ARHGAP24: variants seen among roughly 807,000 people sequenced by gnomAD.
ARHGAP24 encodes rho GTPase-activating protein 24.
Under a neutral mutation model 76.4 loss-of-function variants are expected in ARHGAP24, and 50 were observed. The observed-to-expected ratio is 0.65, with a 90% CI of 0.52 to 0.83. The LOEUF (loss-of-function observed/expected upper bound fraction) is 0.83. Among genes scored for constraint, ARHGAP24 ranks in the 40% least tolerant of loss-of-function variants. The pLI is 0.00. For synonymous variants in ARHGAP24, 345 were observed against 323.3 expected (o/e 1.07, Z -0.72); for missense variants, 930 against 914.2 (o/e 1.02, Z -0.22).
intron 3 of ARHGAP24, among the ~76,000 whole-genome samples, chr4:85,724,794 AAT>A (rs1311839012): frequency 6.6e-6 from 1 of 152,138 alleles, no homozygotes; most frequent in Non-Finnish European, 1.5e-5. Flanking sequence ...TATCTCTCTG[AAT>A]AATGCCATGA....
intron 3 of ARHGAP24, among the ~76,000 whole-genome samples, chr4:85,757,024 G>A (rs948001201): frequency 1.3e-5 from 2 of 152,116 alleles, no homozygotes; most frequent in African/African-American, 4.8e-5. Context: ...GTAGCACAGT[G>A]TCTGGTTTCT....
At chr4:85,920,254 T>A (rs1735649514) in intron 3 of ARHGAP24, among the ~76,000 whole-genome samples, 2 of 152,216 alleles carry the variant, frequency 1.3e-5, no homozygotes, top group South Asian at 4.1e-4. Flanking sequence ...ACAGTGCTAG[T>A]ATTTTTATTG....
chr4:85,922,822 G>A (rs1358356452), intron 3 of ARHGAP24, among the ~76,000 whole-genome samples: 1 of 152,156 alleles, frequency 6.6e-6, no homozygotes, highest in African/African-American at 2.4e-5. Flanking sequence ...CGCTATAAAA[G>A]ACTTCTAAGA....
At chr4:85,985,357 TA>T (rs1334841988) in intron 8 of ARHGAP24, among the ~76,000 whole-genome samples, 3 of 152,070 alleles carry the variant, frequency 2.0e-5, no homozygotes, top group Non-Finnish European at 4.4e-5. Flanking sequence ...TGGAGGCCAT[TA>T]TACTCAGCAA....
intron 3 of ARHGAP24, among the ~76,000 whole-genome samples, chr4:85,890,453 CTG>C (rs1256430763): frequency 1.3e-5 from 2 of 152,124 alleles, no homozygotes; most frequent in African/African-American, 4.8e-5. Context: ...TCATAATACT[CTG>C]TGAATATGGG....
intron 2 of ARHGAP24, among the ~76,000 whole-genome samples, chr4:85,603,673 C>T (rs1331172535): frequency 6.6e-6 from 1 of 152,120 alleles, no homozygotes; most frequent in Non-Finnish European, 1.5e-5. Flanking sequence ...GTAAATATAG[C>T]AGAAGATTTA....
intron 1 of ARHGAP24, 140 bp downstream of exon 1, chr4:85,475,699 G>GAT (rs1560501114): frequency 1.8e-5 from 1 of 55,364 alleles, no homozygotes; most frequent in Admixed American, 1.9e-4. Context: ...GGCGGGGAGG[G>GAT]GGCTGCGGGG....
At chr4:85,748,387 T>A (rs2110065052) in intron 3 of ARHGAP24, among the ~76,000 whole-genome samples, 1 of 152,364 alleles carries the variant, frequency 6.6e-6, no homozygotes, top group Middle Eastern at 3.4e-3. Context: ...GAAAGATAGT[T>A]AAATATACAA....
chr4:85,560,508 A>AT (rs1320529206), intron 1 of ARHGAP24, among the ~76,000 whole-genome samples: 1 of 152,088 alleles, frequency 6.6e-6, no homozygotes, highest in African/African-American at 2.4e-5. Flanking sequence ...TATACACATC[A>AT]TTTTTTGCTA....
chr4:85,630,914 A>G (rs1721136650), intron 2 of ARHGAP24, among the ~76,000 whole-genome samples: 1 of 152,068 alleles, frequency 6.6e-6, no homozygotes, highest in Non-Finnish European at 1.5e-5. Flanking sequence ...TTTGTGATAC[A>G]TAGTGTTAAT....
At chr4:85,592,270 C>T (rs1342228986) in intron 2 of ARHGAP24, among the ~76,000 whole-genome samples, 1 of 152,148 alleles carries the variant, frequency 6.6e-6, no homozygotes, top group African/African-American at 2.4e-5. Context: ...ATGTTGAGCA[C>T]CTTTTCATAT....
At chr4:85,798,231 T>C (rs1728446797) in intron 3 of ARHGAP24, among the ~76,000 whole-genome samples, 1 of 152,150 alleles carries the variant, frequency 6.6e-6, no homozygotes, top group Non-Finnish European at 1.5e-5. Context: ...CTGATATAAC[T>C]CAACAATTTG....
intron 1 of ARHGAP24, among the ~76,000 whole-genome samples, chr4:85,498,704 G>A (rs376192708): frequency 1.3e-5 from 2 of 152,148 alleles, no homozygotes; most frequent in African/African-American, 4.8e-5. Flanking sequence ...TTGATCCCAG[G>A]AATCTAGATT....
At chr4:85,489,793 G>C (rs756798434) in intron 1 of ARHGAP24, among the ~76,000 whole-genome samples, 10 of 152,114 alleles carry the variant, frequency 6.6e-5, no homozygotes, top group Non-Finnish European at 1.3e-4. Context: ...ATATTTCCAA[G>C]CAAGAATAGG....
intron 1 of ARHGAP24, among the ~76,000 whole-genome samples, chr4:85,477,110 A>T (rs1450616077): frequency 6.6e-6 from 1 of 152,194 alleles, no homozygotes; most frequent in African/African-American, 2.4e-5. Context: ...TTAAGTGGGG[A>T]TAAGAGATAA....
At chr4:85,974,009 ATT>A (rs201491396) in intron 6 of ARHGAP24, among the ~76,000 whole-genome samples, 5,075 of 127,062 alleles carry the variant, frequency 0.04, 258 homozygotes, top group African/African-American at 0.12. Flanking sequence ...AGCCTGGCTA[ATT>A]TTTTTTTTTT....
intron 2 of ARHGAP24, among the ~76,000 whole-genome samples, chr4:85,586,847 G>A (rs1417203126): frequency 3.3e-5 from 5 of 152,052 alleles, no homozygotes; most frequent in East Asian, 1.9e-4. Context: ...GCGGTGAACC[G>A]ACATTGCTCC....
At chr4:85,833,953 T>C (rs2110138853) in intron 3 of ARHGAP24, among the ~76,000 whole-genome samples, 1 of 152,330 alleles carries the variant, frequency 6.6e-6, no homozygotes, top group Non-Finnish European at 1.5e-5. Context: ...GTTGGGAAGG[T>C]TATTTAACTT....
chr4:85,812,226 TA>T (rs200172736), intron 3 of ARHGAP24, among the ~76,000 whole-genome samples: 3,293 of 152,188 alleles, frequency 0.022, 113 homozygotes, highest in African/African-American at 0.067. Flanking sequence ...TTCTGTTAAG[TA>T]TTGGAGCGCC....
Sources: gnomAD v4.1 joint callset for allele counts (sites outside exome capture counted in the v4.1 genomes callset) on GRCh38, gnomAD v4.1.1 for gene constraint, MANE v1.5 for transcripts, NCBI Gene and HGNC (gene_info 2026-07-23, HGNC 2026-07-21) for gene names.